MTUS2: variants seen among roughly 807,000 people sequenced by gnomAD.
MTUS2 encodes microtubule associated scaffold protein 2.
In MTUS2, 40 loss-of-function variants were observed where a neutral mutation model predicts 114.1. That is an observed-to-expected ratio of 0.35 (90% CI 0.27 to 0.46). The LOEUF (loss-of-function observed/expected upper bound fraction) is 0.46. MTUS2 is among the 20% of genes least tolerant of loss of function. The pLI, the probability that MTUS2 is intolerant of heterozygous loss-of-function variation, is 1.00. For synonymous variants in MTUS2, 688 were observed against 672.0 expected (o/e 1.02, Z -0.37); for missense variants, 1,679 against 1,705.4 (o/e 0.98, Z 0.27).
chr13:28,893,696 A>T (rs1299059248), intron 2 of MTUS2, among the ~76,000 whole-genome samples: 1 of 152,212 alleles, frequency 6.6e-6, no homozygotes, highest in South Asian at 2.1e-4. Context: ...TTTTAGCAAC[A>T]TCAGAAGCAA....
intron 5 of MTUS2, among the ~76,000 whole-genome samples, chr13:29,141,642 T>C (rs1000338885): frequency 3.3e-5 from 5 of 152,230 alleles, no homozygotes; most frequent in Non-Finnish European, 7.3e-5. Flanking sequence ...CTATGTTTAC[T>C]TTATTTTCTT....
chr13:29,188,089 G>A (rs1183676900), intron 5 of MTUS2, among the ~76,000 whole-genome samples: 1 of 152,154 alleles, frequency 6.6e-6, no homozygotes, highest in Non-Finnish European at 1.5e-5. Context: ...ATACAGATCT[G>A]GTAGGGCTGT....
At chr13:29,033,737 C>T (rs1593403636) in intron 3 of MTUS2, 148 bp from the exon 4 acceptor site, 2 of 869,340 alleles carry the variant, frequency 2.3e-6, no homozygotes, top group African/African-American at 1.7e-5. Flanking sequence ...GACGAAGACA[C>T]TGTGGCCCGG....
At chr13:29,495,372 AAAAAAAAAGG>A (rs1882482283) in intron 12 of MTUS2, among the ~76,000 whole-genome samples, 1 of 147,618 alleles carries the variant, frequency 6.8e-6, no homozygotes, top group South Asian at 2.1e-4. Flanking sequence ...AAAAAAAAAA[AAAAAAAAAGG>A]AAGTAACTGG....
At chr13:29,212,290 A>G (rs1895473938) in intron 5 of MTUS2, among the ~76,000 whole-genome samples, 1 of 152,026 alleles carries the variant, frequency 6.6e-6, no homozygotes, top group Non-Finnish European at 1.5e-5. Flanking sequence ...TTGTAATTCT[A>G]ATGTGGTTGG....
At chr13:29,000,854 G>A (rs1047919377) in intron 2 of MTUS2, among the ~76,000 whole-genome samples, 4 of 152,046 alleles carry the variant, frequency 2.6e-5, no homozygotes, top group South Asian at 2.1e-4. Flanking sequence ...GCATACCTCT[G>A]ATAGCCTCCC....
rs1445896705 is a variant in MTUS2 at position 29,088,293 on chromosome 13, CT to C, written c.2447-12478del. On this transcript the variant is annotated intron_variant, in intron 4 of 15. Transcript: ENST00000612955. ...ATGTAATTATATGGTTTAGAGTGAT[CT>C]TCTTGGTATTGATTTCTAATTTTAT... Among the ~76,000 whole-genome samples the C allele has an allele frequency of 9.4e-3, 205 of 21,706 alleles. 3 individuals are homozygous for C. Among genetic ancestry groups the C allele is most frequent in the Admixed American group, 0.087 (204 of 2,334 alleles). 14.2% of individuals were successfully genotyped at this position (21,706 alleles called of 152,430 possible).
chr13:29,471,068 C>T (rs1343995244), intron 9 of MTUS2, among the ~76,000 whole-genome samples: 1 of 152,094 alleles, frequency 6.6e-6, no homozygotes, highest in African/African-American at 2.4e-5. Context: ...CCTGGCGGGG[C>T]GGGGTGGCTC....
intron 8 of MTUS2, chr13:29,428,960 A>T: frequency 6.4e-7 from 1 of 1,552,202 alleles, no homozygotes. Flanking sequence ...GAAAGCCGTG[A>T]GCCAGCCACC....
intron 5 of MTUS2, among the ~76,000 whole-genome samples, chr13:29,235,106 AT>A (rs1301521382): frequency 2.0e-5 from 3 of 151,924 alleles, no homozygotes; most frequent in Non-Finnish European, 4.4e-5. Context: ...TAATTAATTA[AT>A]TTTTTTGAGA....
At chr13:29,160,132 G>A (rs903525290) in intron 5 of MTUS2, among the ~76,000 whole-genome samples, 5 of 152,108 alleles carry the variant, frequency 3.3e-5, no homozygotes, top group African/African-American at 1.2e-4. Context: ...AACAACTGTG[G>A]CACATCCACA....
At chr13:29,127,655 G>A (rs1456133876) in intron 5 of MTUS2, among the ~76,000 whole-genome samples, 1 of 152,178 alleles carries the variant, frequency 6.6e-6, no homozygotes, top group African/African-American at 2.4e-5. Context: ...GCATGTGTGT[G>A]TTTCATATTC....
chr13:29,281,448 T>TGC (rs1555261053), intron 5 of MTUS2, among the ~76,000 whole-genome samples: 6 of 151,470 alleles, frequency 4.0e-5, no homozygotes, highest in South Asian at 2.1e-4. Context: ...TGTGTGTGTG[T>TGC]GCATGCAGGC....
intron 1 of MTUS2, among the ~76,000 whole-genome samples, chr13:28,831,118 T>C (rs1431273965): frequency 1.3e-5 from 2 of 151,054 alleles, no homozygotes. Flanking sequence ...TAGGTAAATA[T>C]AAAAGAGTAC....
At chr13:29,336,084 C>T (rs1051725074) in intron 7 of MTUS2, among the ~76,000 whole-genome samples, 9 of 152,152 alleles carry the variant, frequency 5.9e-5, no homozygotes. Context: ...AGCAATTCCT[C>T]TAACCTTTGT....
intron 8 of MTUS2, among the ~76,000 whole-genome samples, chr13:29,371,813 T>G (rs980950914): frequency 1.3e-5 from 2 of 152,152 alleles, no homozygotes; most frequent in South Asian, 4.2e-4. Flanking sequence ...GGAAGAGAAG[T>G]TGTTCCTTGC....
chr13:29,201,245 T>C (rs1308071539), intron 5 of MTUS2, among the ~76,000 whole-genome samples: 1 of 152,210 alleles, frequency 6.6e-6, no homozygotes, highest in Non-Finnish European at 1.5e-5. Context: ...GTTGCATTGA[T>C]CCCTTTATCA....
chr13:29,414,273 G>A (rs1295619792), intron 8 of MTUS2, among the ~76,000 whole-genome samples: 13 of 85,920 alleles, frequency 1.5e-4, no homozygotes, highest in Non-Finnish European at 2.8e-4. Flanking sequence ...CATGGACACA[G>A]GAAGGGGAAT....
At chr13:29,115,086 G>C (rs1352637303) in intron 5 of MTUS2, among the ~76,000 whole-genome samples, 1 of 152,200 alleles carries the variant, frequency 6.6e-6, no homozygotes, top group African/African-American at 2.4e-5. Context: ...TAAATGAAAT[G>C]AAATGTAGAT....
Sources: gnomAD v4.1 joint callset for allele counts (sites outside exome capture counted in the v4.1 genomes callset) on GRCh38, gnomAD v4.1.1 for gene constraint, MANE v1.5 for transcripts, NCBI Gene and HGNC (gene_info 2026-07-23, HGNC 2026-07-21) for gene names.